The following RNF5 variants were observed in gnomAD, a reference collection of about 807,000 sequenced individuals.
RNF5 encodes the protein E3 ubiquitin-protein ligase RNF5.
A neutral mutation model predicts 24.4 loss-of-function variants in RNF5; 16 were observed. That is an observed-to-expected ratio of 0.66 (90% CI 0.44 to 1.00). The LOEUF is 1.00. Ranked by LOEUF, RNF5 falls within the 50% of genes least tolerant of loss-of-function variation. The pLI is 0.00. For synonymous variants in RNF5, 64 were observed against 88.5 expected, an observed-to-expected ratio of 0.72 and a Z score of 1.55; for missense variants, 185 against 236.7, an observed-to-expected ratio of 0.78 and a Z score of 1.43.
chr6:32,179,459 A>G lies in RNF5; in HGVS notation c.141-82A>G, dbSNP rs1411133242. On this transcript the variant is annotated intron_variant, in intron 1 of 5. Coordinates refer to ENST00000375094, the MANE Select transcript of RNF5 (RefSeq NM_006913.4). This position sits in a 1 kb window ranked among gnomAD's most constrained non-coding sequence, Gnocchi z 5.4. The stretch of plus-strand genomic sequence containing the variant: ...CAGGTTGCTTGGGAAGAGGGGTTAG[A>G]TGGGATTCTGCGAAGTCTAGGGTCT... 3 of 1,567,094 alleles carry G rather than the reference A, an allele frequency of 1.9e-6. No homozygotes were observed. Among genetic ancestry groups the G allele is most frequent in the Non-Finnish European group, 2.6e-6 (3 of 1,141,150 alleles).
intron 1 of RNF5, 41 bp downstream of exon 1, chr6:32,178,692 T>C (rs1785813082): frequency 6.3e-7 from 1 of 1,595,028 alleles, no homozygotes; most frequent in Non-Finnish European, 8.5e-7. Flanking sequence ...TGGGTCTCGC[T>C]TATATACTGG....
Position 32,180,480 on chromosome 6 carries a change from G to C in RNF5, c.*154G>C. The C allele has an allele frequency of 1.5e-6, 1 of 661,960 alleles. No individual in the cohort carries two copies. Among genetic ancestry groups the C allele is most frequent in the Non-Finnish European group, 2.7e-6 (1 of 376,938 alleles). 41.0% of individuals were successfully genotyped at this position (661,960 alleles called of 1,614,324 possible). A position where few individuals can be genotyped will look rare whatever the true frequency, so the allele number is the denominator to read the frequency against. ...GTCCAGGAAGGCCTGGGGAGGAGGA[G>C]TGAAGTCTGTGCATAGATGGGAGAG... is the stretch of plus-strand genomic sequence containing the variant. On this transcript the variant is annotated 3_prime_UTR_variant, in exon 6 of 6. Transcript: ENST00000375094.
In RNF5 at chr6:32,180,115, G is replaced by A. The variant is rs758370065; in HGVS notation, c.434G>A (p.Arg145His). The A allele has an allele frequency of 1.1e-5, 17 of 1,613,718 alleles. No homozygotes were observed. Among genetic ancestry groups the A allele is most frequent in the Non-Finnish European group, 1.4e-5 (16 of 1,180,012 alleles). Reference protein sequence around the residue: ...TTVFNAHEPFRRGTGVDLGQG... With the variant: ...TTVFNAHEPFHRGTGVDLGQG... ...GTCTTCAATGCCCATGAGCCTTTCC[G>A]CCGGGGTACAGGTAAGAGTCACACT... Residue 145 changes from arginine to histidine, a missense_variant, in exon 5 of 6, where the codon CGC (arginine) becomes CAC (histidine). By Grantham distance (29) the Arg-to-His change is conservative. Transcript: ENST00000375094.
At position 32,179,674 on chromosome 6, in the gene RNF5, G is replaced by T; in HGVS notation, c.183G>T (p.Arg61=). ...LHQWLETRPE[R]QECPVCKAGI... is the part of the protein sequence containing the mutation. ...AGTGGCTGGAGACACGGCCAGAACGGCAAGAGTGTCCAGTATGTAAAGCTG... is the reference window on the plus strand; with the variant it reads ...AGTGGCTGGAGACACGGCCAGAACGTCAAGAGTGTCCAGTATGTAAAGCTG... The change falls in exon 3 of 6, where the codon CGG becomes CGT. Residue 61 remains arginine (R), a synonymous_variant. Transcript: ENST00000375094. This position sits in a 1 kb window ranked among gnomAD's most constrained non-coding sequence, Gnocchi z 5.4. The T allele has an allele frequency of 6.2e-7, 1 of 1,614,156 alleles. No homozygotes were observed. Among genetic ancestry groups the T allele is most frequent in the Non-Finnish European group, 8.5e-7 (1 of 1,180,024 alleles).
chr6:32,178,923 G>A (rs530461784), intron 1 of RNF5, among the ~76,000 whole-genome samples: 3 of 152,210 alleles, frequency 2.0e-5, no homozygotes, highest in South Asian at 2.1e-4. Flanking sequence ...TGTGAGACCC[G>A]AGCCACCTTA....
Position 32,179,822 on chromosome 6 carries a change from T to C in RNF5, c.273-55T>C. ...GAAGGCTTCTGCCCTTGGAAAACGG[T>C]GTGGAAGATGGGAGGAGAAAAATCC... On this transcript the variant is annotated intron_variant, in intron 3 of 5. Transcript: ENST00000375094. The surrounding 1 kb of genome is among the most constrained non-coding windows in gnomAD (Gnocchi z 5.4). 3 of 1,613,474 alleles carry C rather than the reference T, an allele frequency of 1.9e-6. No homozygotes were observed. Among genetic ancestry groups the C allele is most frequent in the Non-Finnish European group, 2.5e-6 (3 of 1,179,460 alleles).
rs200753487 is a variant in RNF5 at position 32,180,035 on chromosome 6, G to T, written c.354G>T (p.Gly118=). Residue 118 remains glycine (G), a synonymous_variant, in exon 5 of 6, where the codon GGG becomes GGT. Transcript: ENST00000375094. ...RGGFQPFGDT[G]GFHFSFGVGA... is the part of the protein sequence containing the mutation. The stretch of plus-strand genomic sequence containing the variant: ...GATTCCAGCCATTTGGTGATACCGG[G>T]GGCTTCCACTTCTCATTTGGTGTTG... 2.5e-6 allele frequency: 4 copies of T among 1,614,040 alleles called. No individual in the cohort carries two copies. In the East Asian group the frequency reaches 8.9e-5, roughly 36 times the overall value.
At position 32,179,820 on chromosome 6, in the gene RNF5, G is replaced by C. The variant is rs559725081; in HGVS notation, c.272+57G>C. 6.2e-7 allele frequency: 1 copy of C among 1,613,336 alleles called. No individual in the cohort carries two copies. The highest frequency in any genetic ancestry group is 2.2e-5 in the East Asian group (1 of 44,876). On this transcript the variant is annotated intron_variant, in intron 3 of 5. Transcript: ENST00000375094. The surrounding 1 kb of genome is among the most constrained non-coding windows in gnomAD (Gnocchi z 5.4). Reference sequence around the variant, plus strand: ...TTGAAGGCTTCTGCCCTTGGAAAACGGTGTGGAAGATGGGAGGAGAAAAAT... The same window carrying C: ...TTGAAGGCTTCTGCCCTTGGAAAACCGTGTGGAAGATGGGAGGAGAAAAAT...
In RNF5 at chr6:32,179,483, CTG is replaced by C; in HGVS notation, c.141-54_141-53del. 2.5e-6 allele frequency: 4 copies of C among 1,606,590 alleles called. No individual in the cohort carries two copies. The highest frequency in any genetic ancestry group is 2.2e-5 in the South Asian group (2 of 90,696). ...GATGGGATTCTGCGAAGTCTAGGGT[CTG>C]TGTCTCTCTTTTCTGTAGCTAGTTT... On this transcript the variant is annotated intron_variant, in intron 1 of 5. Coordinates refer to ENST00000375094, the MANE Select transcript of RNF5 (RefSeq NM_006913.4). This position sits in a 1 kb window ranked among gnomAD's most constrained non-coding sequence, Gnocchi z 5.4.
At position 32,178,646 on chromosome 6, in the gene RNF5, G is replaced by A; in HGVS notation, c.135G>A (p.Leu45=). The change falls in exon 1 of 6, where the codon CTG becomes CTA. Residue 45 remains leucine, a synonymous_variant. Coordinates refer to ENST00000375094, the MANE Select transcript of RNF5 (RefSeq NM_006913.4). ...REAVVSVCGH[L]YCWPCLHQWL... is the part of the protein sequence containing the mutation. ...CTGTGGTCAGTGTGTGTGGCCACCT[G>A]TACTGGTGAGAATCGAGGAGGGGGG... is the stretch of plus-strand genomic sequence containing the variant. 1.2e-6 allele frequency: 2 copies of A among 1,610,662 alleles called. No individual in the cohort carries two copies. Among genetic ancestry groups the A allele is most frequent in the Non-Finnish European group, 8.5e-7 (1 of 1,179,758 alleles).
rs1312505833 is a variant in RNF5 at position 32,179,502 on chromosome 6, A to T, written c.141-39A>T. The T allele has an allele frequency of 1.2e-6, 2 of 1,610,404 alleles. No individual in the cohort carries two copies. The highest frequency in any genetic ancestry group is 2.2e-5 in the East Asian group (1 of 44,830). Reference sequence around the variant, plus strand: ...TAGGGTCTGTGTCTCTCTTTTCTGTAGCTAGTTTGACCTTTTTTTTTTTTT... The same window carrying T: ...TAGGGTCTGTGTCTCTCTTTTCTGTTGCTAGTTTGACCTTTTTTTTTTTTT... On this transcript the variant is annotated intron_variant, in intron 1 of 5. Transcript: ENST00000375094. The surrounding 1 kb of genome is among the most constrained non-coding windows in gnomAD (Gnocchi z 5.4).
At chr6:32,178,777 G>T in intron 1 of RNF5, 126 bp downstream of exon 1, 1 of 932,154 alleles carries the variant, frequency 1.1e-6, no homozygotes, top group Middle Eastern at 2.2e-4. Context: ...AGCCCGACAG[G>T]AGACATAAGA....
chr6:32,180,649 C>A lies in RNF5; in HGVS notation c.*323C>A. The A allele has an allele frequency of 4.8e-6, 2 of 419,472 alleles. No homozygotes were observed. The allele number at this position is 419,472 out of a possible 1,614,324, so 26.0% of individuals were successfully genotyped here. A position where few individuals can be genotyped will look rare whatever the true frequency, so the allele number is the denominator to read the frequency against. The stretch of plus-strand genomic sequence containing the variant: ...TTGATCTTCAAAGGTGGGCAAAGTT[C>A]CCTCTGACTCTTCCCCCACTCCCCA... On this transcript the variant is annotated 3_prime_UTR_variant, in exon 6 of 6. Transcript: ENST00000375094.
intron 1 of RNF5, 136 bp downstream of exon 1, chr6:32,178,787 A>T: frequency 2.3e-6 from 2 of 860,544 alleles, no homozygotes; most frequent in African/African-American, 1.7e-5. Context: ...GAGACATAAG[A>T]CTTTGCTGGT....
chr6:32,179,433 G>A lies in RNF5; in HGVS notation c.141-108G>A. 7.3e-7 allele frequency: 1 copy of A among 1,365,328 alleles called. No homozygotes were observed. The highest frequency in any genetic ancestry group is 1.0e-6 in the Non-Finnish European group (1 of 963,232). The allele number at this position is 1,365,328 out of a possible 1,614,324, so 84.6% of individuals were successfully genotyped here. ...GTTGCAGAAAATCTGAAAAGCAACA[G>A]CAGGTTGCTTGGGAAGAGGGGTTAG... On this transcript the variant is annotated intron_variant, in intron 1 of 5. Coordinates refer to ENST00000375094, the MANE Select transcript of RNF5 (RefSeq NM_006913.4). This position sits in a 1 kb window ranked among gnomAD's most constrained non-coding sequence, Gnocchi z 5.4.
At position 32,180,784 on chromosome 6, in the gene RNF5, G is replaced by C. The variant is rs1474903242; in HGVS notation, c.*458G>C. ...CTTTAATACAAATTCAATAAAAAAG[G>C]TGAAATATATTGATGGGATCTCTTC... On this transcript the variant is annotated 3_prime_UTR_variant, in exon 6 of 6. Coordinates refer to ENST00000375094, the MANE Select transcript of RNF5 (RefSeq NM_006913.4). The C allele has an allele frequency of 1.1e-5, 4 of 370,782 alleles. No individual in the cohort carries two copies. In the East Asian group the frequency reaches 1.8e-4, roughly 17 times the overall value. The allele number at this position is 370,782 out of a possible 1,614,324, so 23.0% of individuals were successfully genotyped here. A position where few individuals can be genotyped will look rare whatever the true frequency, so the allele number is the denominator to read the frequency against.
chr6:32,178,726 A>G (rs1785815623), intron 1 of RNF5, 75 bp downstream of exon 1: 16 of 1,429,832 alleles, frequency 1.1e-5, no homozygotes, highest in Non-Finnish European at 1.4e-5. Flanking sequence ...GAATAATCAT[A>G]CAGTCATACA....
Position 32,180,343 on chromosome 6 carries a change from G to A in RNF5, c.*17G>A, listed in dbSNP as rs370376787. ...AGTATTTGAGCTATGTCTGCTTCCT[G>A]CCCACCTCCAGCCAGAGAAGAATCA... is the stretch of plus-strand genomic sequence containing the variant. On this transcript the variant is annotated 3_prime_UTR_variant, in exon 6 of 6. Coordinates refer to ENST00000375094, the MANE Select transcript of RNF5 (RefSeq NM_006913.4). The A allele has an allele frequency of 2.5e-6, 4 of 1,594,804 alleles. No individual in the cohort carries two copies. The highest frequency in any genetic ancestry group is 2.2e-5 in the East Asian group (1 of 44,860).
chr6:32,179,724 C>T lies in RNF5; in HGVS notation c.233C>T (p.Pro78Leu), dbSNP rs753286828. ...KAGISREKVVPLYGRGSQKPQ... is the reference protein window; with the variant it reads ...KAGISREKVVLLYGRGSQKPQ... The stretch of plus-strand genomic sequence containing the variant: ...GGGATCAGCAGAGAGAAGGTTGTCC[C>T]GCTTTATGGGCGAGGGAGCCAGAAG... The change falls in exon 3 of 6, where the codon CCG (proline) becomes CTG (leucine). Residue 78 changes from proline to leucine, a missense_variant. Physicochemically the swap from Pro to Leu is moderately conservative, Grantham distance 98. Transcript: ENST00000375094. This position sits in a 1 kb window ranked among gnomAD's most constrained non-coding sequence, Gnocchi z 5.4. The T allele has an allele frequency of 5.6e-6, 9 of 1,613,998 alleles. No homozygotes were observed. The highest frequency in any genetic ancestry group is 3.3e-5 in the Admixed American group (2 of 59,994).
Sources: allele counts gnomAD v4.1 joint callset (sites outside exome capture counted in the v4.1 genomes callset), GRCh38; gene constraint gnomAD v4.1.1; non-coding constraint Gnocchi (gnomAD v3.1); transcripts MANE v1.5; gene names NCBI Gene and HGNC (gene_info 2026-07-23, HGNC 2026-07-21).